The following CUL5 variants were observed in gnomAD, a reference collection of about 807,000 sequenced individuals.
CUL5 encodes the protein cullin-5.
In CUL5, 26 loss-of-function variants were observed where a neutral mutation model predicts 108.8. That is an observed-to-expected ratio of 0.24 (90% CI 0.18 to 0.33). The LOEUF (loss-of-function observed/expected upper bound fraction) is 0.33. CUL5 is among the 10% of genes least tolerant of loss of function. CUL5 has a pLI of 1.00. For synonymous variants in CUL5, 334 were observed against 298.0 expected (o/e 1.12, Z -1.25); for missense variants, 524 against 909.2 (o/e 0.58, Z 5.45).
At position 108,104,601 on chromosome 11, in the gene CUL5, T is replaced by C. The variant is rs1043620197; in HGVS notation, c.*217T>C. Reference sequence around the variant, plus strand: ...CACACTCTTTGACAGCATGCTGTTTTGTGGAGAAACTTGCATTCATGAAGA... The same window carrying C: ...CACACTCTTTGACAGCATGCTGTTTCGTGGAGAAACTTGCATTCATGAAGA... On this transcript the variant is annotated 3_prime_UTR_variant, in exon 19 of 19. Transcript: ENST00000393094. The C allele has an allele frequency of 2.8e-6, 1 of 357,966 alleles. No individual in the cohort carries two copies. The highest frequency in any genetic ancestry group is 5.0e-6 in the Non-Finnish European group (1 of 201,636). 22.2% of individuals were successfully genotyped at this position (357,966 alleles called of 1,614,324 possible).
At chr11:108,037,794 G>A (rs1862785055) in intron 2 of CUL5, among the ~76,000 whole-genome samples, 1 of 152,218 alleles carries the variant, frequency 6.6e-6, no homozygotes, top group Non-Finnish European at 1.5e-5. Flanking sequence ...TGTGTAAACA[G>A]TTTGGAAATG....
intron 2 of CUL5, among the ~76,000 whole-genome samples, chr11:108,038,567 T>A (rs146496136): frequency 6.6e-6 from 1 of 151,278 alleles, no homozygotes; most frequent in African/African-American, 2.4e-5. Flanking sequence ...TCCAGCTACT[T>A]GGGAGGCTGA....
intron 7 of CUL5, among the ~76,000 whole-genome samples, chr11:108,064,165 T>C (rs1239349600): frequency 1.3e-5 from 2 of 152,340 alleles, no homozygotes; most frequent in East Asian, 3.9e-4. Flanking sequence ...TACGGGTCTC[T>C]CATGTGGCTT....
At chr11:108,103,451 T>TAATAATAAATA (rs1181031151) in intron 18 of CUL5, among the ~76,000 whole-genome samples, 2,345 of 151,936 alleles carry the variant, frequency 0.015, 58 homozygotes, top group African/African-American at 0.054. Context: ...ATTGAGTCAA[T>TAATAATAAATA]ATAAACTGAA....
At chr11:108,044,424 G>A (rs562024827) in intron 2 of CUL5, among the ~76,000 whole-genome samples, 31 of 151,948 alleles carry the variant, frequency 2.0e-4, no homozygotes, top group African/African-American at 6.8e-4. Flanking sequence ...CTGAGGCAGG[G>A]TTGAGCCCAG....
intron 7 of CUL5, among the ~76,000 whole-genome samples, chr11:108,058,596 T>C (rs1863458473): frequency 2.0e-5 from 3 of 148,034 alleles, no homozygotes; most frequent in African/African-American, 5.0e-5. Context: ...TACTATAGAG[T>C]GTATTGGTGG....
intron 4 of CUL5, among the ~76,000 whole-genome samples, chr11:108,051,210 A>G (rs930300635): frequency 4.0e-5 from 6 of 149,532 alleles, no homozygotes; most frequent in Non-Finnish European, 7.4e-5. Context: ...GTGCCAAGGG[A>G]AAAAAAAAAG....
chr11:108,102,917 T>G (rs182414625), intron 18 of CUL5, among the ~76,000 whole-genome samples: 7 of 152,000 alleles, frequency 4.6e-5, no homozygotes, highest in Non-Finnish European at 8.8e-5. Flanking sequence ...TTCTTCAGCC[T>G]CCTGAATAGC....
At chr11:108,071,258 A>G (rs1863812837) in intron 8 of CUL5, among the ~76,000 whole-genome samples, 1 of 152,168 alleles carries the variant, frequency 6.6e-6, no homozygotes, top group African/African-American at 2.4e-5. Context: ...ACTGAAAACC[A>G]AATGACTCAC....
At chr11:108,093,980 C>T (rs895371845) in intron 13 of CUL5, among the ~76,000 whole-genome samples, 45 of 152,222 alleles carry the variant, frequency 3.0e-4, no homozygotes, top group African/African-American at 1.1e-3. Context: ...TAGGATTACA[C>T]ACCATGCCAA....
intron 2 of CUL5, among the ~76,000 whole-genome samples, chr11:108,042,910 G>A (rs909341747): frequency 2.0e-5 from 3 of 151,722 alleles, no homozygotes; most frequent in Non-Finnish European, 2.9e-5. Flanking sequence ...CTACAGGAGC[G>A]CACCACCACG....
At position 108,047,881 on chromosome 11, in the gene CUL5, T is replaced by C. The variant is rs376046804; in HGVS notation, c.234+1512T>C. 7.6e-4 allele frequency among the ~76,000 whole-genome samples: 115 copies of C among 152,314 alleles called. 2 individuals are homozygous for C. The highest frequency in any genetic ancestry group is 2.7e-3 in the African/African-American group (111 of 41,556). ...TCTTCAGTTTCTGGAAATAAACTTATGAAGAATTACCTTGGATGTTCTTAA... is the reference window on the plus strand; with the variant it reads ...TCTTCAGTTTCTGGAAATAAACTTACGAAGAATTACCTTGGATGTTCTTAA... On this transcript the variant is annotated intron_variant, in intron 3 of 18. Transcript: ENST00000393094.
intron 3 of CUL5, among the ~76,000 whole-genome samples, chr11:108,048,083 G>A (rs1238547055): frequency 2.6e-5 from 4 of 151,094 alleles, no homozygotes; most frequent in African/African-American, 4.9e-5. Context: ...GTCTTAAAAA[G>A]ACCCATCTTA....
At chr11:108,079,809 G>A (rs1380199196) in intron 11 of CUL5, among the ~76,000 whole-genome samples, 1 of 152,104 alleles carries the variant, frequency 6.6e-6, no homozygotes, top group Admixed American at 6.5e-5. Context: ...GATTAGTTTT[G>A]CCTAATCTAG....
At chr11:108,100,035 A>G (rs1456677568) in intron 18 of CUL5, among the ~76,000 whole-genome samples, 1 of 152,082 alleles carries the variant, frequency 6.6e-6, no homozygotes, top group African/African-American at 2.4e-5. Context: ...TCTGATATTA[A>G]TATCAAGTTC....
chr11:108,068,600 A>G (rs1022342615), intron 7 of CUL5, among the ~76,000 whole-genome samples: 2 of 152,220 alleles, frequency 1.3e-5, no homozygotes, highest in African/African-American at 4.8e-5. Context: ...AAAAATTTTT[A>G]AGGGACACAT....
intron 2 of CUL5, among the ~76,000 whole-genome samples, chr11:108,036,088 A>G (rs1185892203): frequency 6.6e-6 from 1 of 152,226 alleles, no homozygotes; most frequent in African/African-American, 2.4e-5. Context: ...ATCAGCTTCT[A>G]AGGGTCAGAC....
intron 9 of CUL5, among the ~76,000 whole-genome samples, chr11:108,072,767 C>T (rs957305255): frequency 6.6e-6 from 1 of 151,976 alleles, no homozygotes; most frequent in Non-Finnish European, 1.5e-5. Context: ...CCAATTTGAT[C>T]ATTATAGTAT....
chr11:108,047,961 C>T (rs927148974), intron 3 of CUL5, among the ~76,000 whole-genome samples: 10 of 152,016 alleles, frequency 6.6e-5, no homozygotes, highest in African/African-American at 1.9e-4. Flanking sequence ...GAGGGTTTCA[C>T]GGTAACATGA....
Sources: allele counts gnomAD v4.1 joint callset (sites outside exome capture counted in the v4.1 genomes callset), GRCh38; gene constraint gnomAD v4.1.1; transcripts MANE v1.5; gene names NCBI Gene and HGNC (gene_info 2026-07-23, HGNC 2026-07-21).